PTBP2: variants seen among roughly 807,000 people sequenced by gnomAD.
PTBP2 encodes polypyrimidine tract-binding protein 2.
Under a neutral mutation model 61.4 loss-of-function variants are expected in PTBP2, and 13 were observed. The ratio of observed to expected loss-of-function variants is 0.21; its 90% CI spans 0.14 to 0.34. The LOEUF (loss-of-function observed/expected upper bound fraction) is 0.34, where lower values mean the gene tolerates loss of function less well. PTBP2 is among the 10% of genes least tolerant of loss of function. The pLI is 1.00. For synonymous variants in PTBP2, 215 were observed against 218.5 expected (o/e 0.98, Z 0.14); for missense variants, 405 against 642.6 (o/e 0.63, Z 4.00).
chr1:96,725,021 GA>G (rs1283565409), intron 2 of PTBP2, among the ~76,000 whole-genome samples: 2 of 152,126 alleles, frequency 1.3e-5, no homozygotes, highest in African/African-American at 2.4e-5. Flanking sequence ...CAGACTAAAG[GA>G]GGAATAATAC....
At chr1:96,725,417 A>G (rs1489211456) in intron 2 of PTBP2, among the ~76,000 whole-genome samples, 1 of 150,620 alleles carries the variant, frequency 6.6e-6, no homozygotes, top group Non-Finnish European at 1.5e-5. Flanking sequence ...CTTCTGCCTC[A>G]GCCTCCCGAG....
At chr1:96,725,264 G>T (rs1177245776) in intron 2 of PTBP2, among the ~76,000 whole-genome samples, 1 of 151,410 alleles carries the variant, frequency 6.6e-6, no homozygotes, top group Admixed American at 6.6e-5. Context: ...AGGAGACTTG[G>T]AATAGGATGT....
chr1:96,807,179 G>A (rs911241586), intron 11 of PTBP2, among the ~76,000 whole-genome samples: 1 of 152,142 alleles, frequency 6.6e-6, no homozygotes, highest in Non-Finnish European at 1.5e-5. Context: ...AATAGGAAGA[G>A]ATTTTAGCTT....
intron 5 of PTBP2, among the ~76,000 whole-genome samples, chr1:96,774,986 G>A (rs1479523160): frequency 1.3e-5 from 2 of 152,094 alleles, no homozygotes; most frequent in Non-Finnish European, 2.9e-5. Flanking sequence ...GAATATTGTG[G>A]GTTGGCCTGC....
At chr1:96,767,308 A>G (rs1421394597) in intron 3 of PTBP2, among the ~76,000 whole-genome samples, 1 of 152,110 alleles carries the variant, frequency 6.6e-6, no homozygotes, top group African/African-American at 2.4e-5. Context: ...TTATTTTTGG[A>G]AAATCATTTG....
intron 5 of PTBP2, chr1:96,771,586 A>G (rs1407178478): frequency 6.6e-6 from 1 of 151,984 alleles, no homozygotes; most frequent in Non-Finnish European, 1.5e-5. Context: ...AAAAGATAGG[A>G]CTGAAATTTC....
intron 1 of PTBP2, 38 bp from the exon 2 acceptor site, chr1:96,723,526 A>G: frequency 6.4e-7 from 1 of 1,555,486 alleles, no homozygotes; most frequent in Non-Finnish European, 8.8e-7. Context: ...GATTAGAAGA[A>G]TAACAGGAGG....
chr1:96,762,341 A>G (rs111618810), intron 3 of PTBP2, among the ~76,000 whole-genome samples: 85,574 of 146,858 alleles, frequency 0.58, 25,506 homozygotes, highest in African/African-American at 0.71. Context: ...CAGTAGGGGC[A>G]GCCGGGCAGA....
chr1:96,808,567 T>C (rs1431269074), intron 11 of PTBP2, among the ~76,000 whole-genome samples: 3 of 152,184 alleles, frequency 2.0e-5, no homozygotes, highest in South Asian at 2.1e-4. Context: ...CTTCAACATA[T>C]AAATTTGGGG....
At chr1:96,781,570 C>A (rs1658672839) in intron 7 of PTBP2, among the ~76,000 whole-genome samples, 1 of 151,972 alleles carries the variant, frequency 6.6e-6, no homozygotes, top group African/African-American at 2.4e-5. Context: ...TTATGCCCAA[C>A]TTCTGCTTCT....
chr1:96,779,669 T>A lies in PTBP2; in HGVS notation c.708+1723T>A, dbSNP rs555028238. Among the ~76,000 whole-genome samples the A allele has an allele frequency of 2.4e-3, 371 of 152,234 alleles. 3 individuals carry two copies. The highest frequency in any genetic ancestry group is 8.8e-3 in the African/African-American group (364 of 41,558). ...TTATAATTCTAAGAGAGTAGATAAT[T>A]GTTTTACTAAGTACTTATTCTGGTA... On this transcript the variant is annotated intron_variant, in intron 7 of 13. Transcript: ENST00000674951.
At chr1:96,783,958 G>A (rs1206986615) in intron 7 of PTBP2, among the ~76,000 whole-genome samples, 1 of 151,926 alleles carries the variant, frequency 6.6e-6, no homozygotes, top group Non-Finnish European at 1.5e-5. Context: ...TTATTTTCTA[G>A]GTTAGTTTTT....
chr1:96,805,694 CTG>C (rs1483888476), intron 9 of PTBP2, among the ~76,000 whole-genome samples: 7 of 152,180 alleles, frequency 4.6e-5, no homozygotes, highest in Admixed American at 6.5e-5. Flanking sequence ...TAATTGGCCT[CTG>C]TTAATATGAA....
chr1:96,806,131 C>T (rs967290377), intron 9 of PTBP2, among the ~76,000 whole-genome samples: 1 of 152,112 alleles, frequency 6.6e-6, no homozygotes, highest in Non-Finnish European at 1.5e-5. Flanking sequence ...TGTTCACCTT[C>T]CCTTTCCTTG....
intron 8 of PTBP2, among the ~76,000 whole-genome samples, chr1:96,789,060 TAAG>T (rs1318267103): frequency 6.6e-6 from 1 of 152,068 alleles, no homozygotes; most frequent in Non-Finnish European, 1.5e-5. Flanking sequence ...TTTATCATGT[TAAG>T]AGGTGTAGTT....
At chr1:96,733,902 C>T (rs932527808) in intron 2 of PTBP2, among the ~76,000 whole-genome samples, 4 of 152,180 alleles carry the variant, frequency 2.6e-5, no homozygotes, top group African/African-American at 9.7e-5. Flanking sequence ...AAAAGATTGG[C>T]TTCAGTATTT....
In PTBP2 at chr1:96,769,817, C is replaced by A; in HGVS notation, c.230C>A (p.Ala77Asp). 6.2e-7 allele frequency: 1 copy of A among 1,610,574 alleles called. No individual in the cohort carries two copies. The highest frequency in any genetic ancestry group is 2.2e-5 in the East Asian group (1 of 44,602). The change falls in exon 4 of 14, where the codon GCT (alanine) becomes GAT (aspartate). Residue 77 changes from alanine to aspartate, a missense_variant. Physicochemically the swap from Ala to Asp is moderately radical, Grantham distance 126 (BLOSUM62 -2). This residue lies in a region of PTBP2 where 342 missense variants were observed against 491.2 expected (regional missense o/e 0.70). Transcript: ENST00000674951. ...GAAGTAACAGAAACTGAAGTTATTGCTTTAGGCTTACCTTTTGGTAAGGTG... is the reference window on the plus strand; with the variant it reads ...GAAGTAACAGAAACTGAAGTTATTGATTTAGGCTTACCTTTTGGTAAGGTG... ...PGEVTETEVI[A>D]LGLPFGKVTN...
intron 5 of PTBP2, 148 bp downstream of exon 5, chr1:96,770,999 T>A: frequency 1.5e-6 from 1 of 647,420 alleles, no homozygotes; most frequent in Non-Finnish European, 2.6e-6. Flanking sequence ...AGAATGTTTC[T>A]AAGTATTAAA....
exon 14 of PTBP2, chr1:96,821,457 A>G (rs1389684876): frequency 6.6e-6 from 1 of 152,060 alleles, no homozygotes; most frequent in East Asian, 1.9e-4. Context: ...ATGTCAGTGT[A>G]AAACATCCAT....
Sources: gnomAD v4.1 joint callset for allele counts (sites outside exome capture counted in the v4.1 genomes callset) on GRCh38, gnomAD v4.1.1 for gene constraint, gnomAD v4.1.1 regional missense constraint, MANE v1.5 for transcripts, NCBI Gene and HGNC (gene_info 2026-07-23, HGNC 2026-07-21) for gene names.